The following RIMS3 variants were observed in gnomAD, a reference collection of about 807,000 sequenced individuals.
RIMS3 encodes regulating synaptic membrane exocytosis 3.
A neutral mutation model predicts 29.2 loss-of-function variants in RIMS3; 15 were observed. The observed-to-expected ratio is 0.51, with a 90% confidence interval of 0.34 to 0.79. The LOEUF (loss-of-function observed/expected upper bound fraction) is 0.79. RIMS3 is among the 30% of genes least tolerant of loss of function. The pLI is 0.01. For missense variants in RIMS3, 342 were observed against 421.4 expected, an observed-to-expected ratio of 0.81 and a Z score of 1.65; for synonymous variants, 161 against 170.1, an observed-to-expected ratio of 0.95 and a Z score of 0.41.
intron 1 of RIMS3, among the ~76,000 whole-genome samples, chr1:40,649,186 GACACACACAC>G (rs5773699): frequency 1.3e-5 from 2 of 150,836 alleles, no homozygotes; most frequent in African/African-American, 4.9e-5. Flanking sequence ...TGCATGCACA[GACACACACAC>G]ACACACACAC....
chr1:40,668,519 C>T (rs1642454433), upstream of RIMS3, among the ~76,000 whole-genome samples: 1 of 135,764 alleles, frequency 7.4e-6, no homozygotes, highest in Non-Finnish European at 1.6e-5. Flanking sequence ...TGGCGGAGAT[C>T]AAATGGGTGG....
At chr1:40,689,719 T>C in the RIMS3 span, among the ~76,000 whole-genome samples, 7 of 152,220 alleles carry the variant, frequency 4.6e-5, no homozygotes, top group Non-Finnish European at 1.0e-4. Context: ...GCGGAGGCTA[T>C]TGATAATAAA....
chr1:40,668,373 G>C (rs948936879), upstream of RIMS3, among the ~76,000 whole-genome samples: 1 of 151,250 alleles, frequency 6.6e-6, no homozygotes, highest in Non-Finnish European at 1.5e-5. Flanking sequence ...AGTGAGCTGT[G>C]ATCACGCCAC....
At chr1:40,671,060 C>G in the RIMS3 span, among the ~76,000 whole-genome samples, 1 of 152,018 alleles carries the variant, frequency 6.6e-6, no homozygotes, top group African/African-American at 2.4e-5. Context: ...CCATTGAGAG[C>G]TATGGGGATT....
At chr1:40,638,554 T>C (rs1557671430) in intron 3 of RIMS3, among the ~76,000 whole-genome samples, 1 of 152,226 alleles carries the variant, frequency 6.6e-6, no homozygotes, top group Non-Finnish European at 1.5e-5. Flanking sequence ...CCACTCCCTA[T>C]GGCATCTTCT....
chr1:40,637,706 AG>A (rs1247174613), intron 3 of RIMS3, among the ~76,000 whole-genome samples: 1 of 152,198 alleles, frequency 6.6e-6, no homozygotes, highest in East Asian at 1.9e-4. Flanking sequence ...TGCCACCTTC[AG>A]TCAAGTCACA....
upstream of RIMS3, among the ~76,000 whole-genome samples, chr1:40,666,172 T>C (rs1412378227): frequency 6.6e-6 from 1 of 152,160 alleles, no homozygotes; most frequent in Non-Finnish European, 1.5e-5. Flanking sequence ...CTTTATAATG[T>C]CCCTTTCAGA....
rs114786463 is a variant in RIMS3, at chr1:40,652,224, A to G, written c.-206-4382T>C. Among the ~76,000 whole-genome samples, 1,310 of 152,282 alleles carry G rather than the reference A, an allele frequency of 8.6e-3. 17 individuals carry two copies. Among genetic ancestry groups the G allele is most frequent in the African/African-American group, 0.029 (1,222 of 41,562 alleles). ...ACTCCTGGCCAAAGGTGACTCCCCA[A>G]ACGGAAGCAAGATTCCGTCCTCAAT... On this transcript the variant is annotated intron_variant, in intron 1 of 7. Coordinates refer to ENST00000372684, the MANE Select transcript of RIMS3 (RefSeq NM_014747.3).
upstream of RIMS3, among the ~76,000 whole-genome samples, chr1:40,670,584 A>ATATTTATATATATT (rs2148369036): frequency 8.4e-6 from 1 of 118,714 alleles, no homozygotes; most frequent in African/African-American, 3.6e-5. Flanking sequence ...TTATATATAT[A>ATATTTATATATATT]TATATATATA....
the RIMS3 span, among the ~76,000 whole-genome samples, chr1:40,689,474 G>A: frequency 1.3e-5 from 2 of 152,096 alleles, no homozygotes; most frequent in African/African-American, 4.8e-5. Flanking sequence ...TAGAGACAGG[G>A]CTTCACCATC....
the RIMS3 span, among the ~76,000 whole-genome samples, chr1:40,685,323 A>AT: frequency 3.3e-4 from 6 of 18,102 alleles, no homozygotes; most frequent in Non-Finnish European, 7.4e-4. Flanking sequence ...TATAATTATT[A>AT]ATATATAATA....
At chr1:40,686,419 G>A in the RIMS3 span, among the ~76,000 whole-genome samples, 1 of 152,132 alleles carries the variant, frequency 6.6e-6, no homozygotes, top group South Asian at 2.1e-4. Flanking sequence ...TTGGGAGGCT[G>A]AGGTGGGTGG....
At chr1:40,665,013 C>T (rs1415211704) in intron 1 of RIMS3, among the ~76,000 whole-genome samples, 4 of 152,160 alleles carry the variant, frequency 2.6e-5, no homozygotes, top group African/African-American at 9.7e-5. Context: ...AACCAGGGCA[C>T]AGGCAGAAGG....
At chr1:40,681,520 G>A in the RIMS3 span, 1 of 151,958 alleles carries the variant, frequency 6.6e-6, no homozygotes, top group East Asian at 1.9e-4. Flanking sequence ...CGACTTTGGA[G>A]AAATTACACG....
chr1:40,677,525 C>T, the RIMS3 span, among the ~76,000 whole-genome samples: 7 of 151,236 alleles, frequency 4.6e-5, no homozygotes, highest in Non-Finnish European at 7.4e-5. Flanking sequence ...GGTGAAACCC[C>T]GTCTTCACTA....
intron 1 of RIMS3, among the ~76,000 whole-genome samples, chr1:40,650,175 T>C (rs1256974242): frequency 3.3e-5 from 5 of 152,118 alleles, no homozygotes; most frequent in Admixed American, 2.6e-4. Context: ...GTGTCTCCCA[T>C]TCAGAACAAG....
the RIMS3 span, among the ~76,000 whole-genome samples, chr1:40,687,005 C>A: frequency 2.5e-4 from 36 of 142,650 alleles, no homozygotes; most frequent in South Asian, 2.3e-4. Context: ...GGTGGCTCCT[C>A]AAAAAAAAAA....
chr1:40,629,521 T>G, intron 5 of RIMS3, 149 bp from the exon 6 acceptor site: 1 of 711,988 alleles, frequency 1.4e-6, no homozygotes, highest in Non-Finnish European at 2.5e-6. Flanking sequence ...AAAACTGCTC[T>G]CGGAAGACCA....
chr1:40,691,125 A>G, the RIMS3 span: 2 of 152,340 alleles, frequency 1.3e-5, no homozygotes, highest in African/African-American at 4.8e-5. Context: ...ACTGCGTGAT[A>G]AAACTTTAAA....
Sources: allele counts gnomAD v4.1 joint callset (sites outside exome capture counted in the v4.1 genomes callset), GRCh38; gene constraint gnomAD v4.1.1; transcripts MANE v1.5; gene names NCBI Gene and HGNC (gene_info 2026-07-23, HGNC 2026-07-21).